UTY: variants seen among roughly 807,000 people sequenced by gnomAD.
UTY encodes histone demethylase UTY.
Under a neutral mutation model 32.5 loss-of-function variants are expected in UTY, and 12 were observed. The observed-to-expected ratio is 0.37, with a 90% CI of 0.24 to 0.60. The LOEUF is 0.60. UTY is among the 20% of genes least tolerant of loss of function. UTY has a pLI of 0.69. For synonymous variants in UTY, 131 were observed against 103.4 expected (o/e 1.27, Z -1.62); for missense variants, 303 against 299.2 (o/e 1.01, Z -0.09).
intron 5 of UTY, 51 bp from the exon 6 acceptor site, chrY:13,411,164 T>A: frequency 3.1e-6 from 1 of 318,901 alleles, no homozygotes; most frequent in Non-Finnish European, 4.4e-6. Context: ...CTTACATATA[T>A]CTCACTTGAT....
At chrY:13,245,929 G>A (rs2053942433), downstream of UTY, among the ~76,000 whole-genome samples, 2 of 33,388 alleles carry the variant, frequency 6.0e-5, no homozygotes, top group East Asian at 1.5e-3. Context: ...AAACATTCAT[G>A]TTATGAAGTG....
chrY:13,377,280 G>A, intron 8 of UTY, among the ~76,000 whole-genome samples: 1 of 33,403 alleles, frequency 3.0e-5, no homozygotes, highest in Non-Finnish European at 7.4e-5. Context: ...TACATAAAAC[G>A]AAGACCTATG....
chrY:13,315,015 G>A (rs1013301117), intron 21 of UTY, among the ~76,000 whole-genome samples: 1 of 33,832 alleles, frequency 3.0e-5, no homozygotes, highest in African/African-American at 1.2e-4. Context: ...CAATATAGTC[G>A]TCCTTTAAAA....
At chrY:13,286,729 C>A in intron 27 of UTY, 1 of 363,758 alleles carries the variant, frequency 2.7e-6, no homozygotes, top group Non-Finnish European at 4.0e-6. Flanking sequence ...GCTTTTAAGG[C>A]TATTAACCAG....
chrY:13,342,643 C>T (rs2061575766), intron 17 of UTY, among the ~76,000 whole-genome samples: 1 of 34,611 alleles, frequency 2.9e-5, no homozygotes, highest in Non-Finnish European at 7.3e-5. Flanking sequence ...GGCTTTCATG[C>T]CACGAAGTGG....
chrY:13,458,547 C>CTTA (rs2077042771), intron 3 of UTY, among the ~76,000 whole-genome samples: 1 of 33,519 alleles, frequency 3.0e-5, no homozygotes, highest in Non-Finnish European at 7.4e-5. Context: ...CATTTTTTGG[C>CTTA]TGCATAAATG....
rs750705591 is a variant in UTY, at chrY:13,400,667, C to T, written c.556-3695G>A. 9.6e-5 allele frequency among the ~76,000 whole-genome samples: 3 copies of T among 31,410 alleles called. No homozygotes were observed. In the South Asian group the frequency reaches 2.2e-3, roughly 23 times the overall value. 84.3% of individuals were successfully genotyped at this position (31,410 alleles called of 37,273 possible). ...TTAGTTTTTCTGTCAGTCTAATATG[C>T]GGGGACCCAACTAACGAACCTAAAA... is the stretch of plus-strand genomic sequence containing the variant. On this transcript the variant is annotated intron_variant, in intron 6 of 29. Coordinates refer to ENST00000545955, the MANE Select transcript of UTY (RefSeq NM_001258249.2).
intron 3 of UTY, among the ~76,000 whole-genome samples, chrY:13,452,994 T>G: frequency 3.0e-5 from 1 of 33,550 alleles, no homozygotes. Context: ...TTCGGACCAG[T>G]GCACTGCTAG....
chrY:13,290,056 A>G, intron 27 of UTY, among the ~76,000 whole-genome samples: 1 of 33,221 alleles, frequency 3.0e-5, no homozygotes, highest in Non-Finnish European at 7.4e-5. Context: ...GTTTATGACT[A>G]TAAGTGCCTA....
At chrY:13,343,144 G>A in intron 17 of UTY, among the ~76,000 whole-genome samples, 4 of 32,692 alleles carry the variant, frequency 1.2e-4, no homozygotes, top group Non-Finnish European at 2.3e-4. Context: ...TAAGAGTCTT[G>A]GTACAAACAC....
chrY:13,299,428 CAAAAAAAAAAAAAAAAA>C (rs1274766088), intron 25 of UTY, among the ~76,000 whole-genome samples: 1 of 557 alleles, frequency 1.8e-3, no homozygotes, highest in Non-Finnish European at 3.9e-3. Context: ...CTCTACTATA[CAAAAAAAAAAAAAAAAA>C]AAAAAAAAAA....
intron 17 of UTY, among the ~76,000 whole-genome samples, chrY:13,336,762 C>A: frequency 1.2e-4 from 4 of 33,102 alleles, no homozygotes; most frequent in African/African-American, 4.7e-4. Context: ...CAAAAAAAGT[C>A]TCAATAAAAC....
intron 17 of UTY, among the ~76,000 whole-genome samples, chrY:13,345,641 C>A: frequency 3.0e-5 from 1 of 33,474 alleles, no homozygotes; most frequent in South Asian, 6.5e-4. Context: ...ACCAAGATGA[C>A]TGTCATCACT....
Position 13,470,176 on chromosome Y carries a change from A to G in UTY, c.270T>C (p.Ser90=). Residue 90 remains serine, a synonymous_variant, in exon 3 of 30, where the codon TCT becomes TCC. Coordinates refer to ENST00000545955, the MANE Select transcript of UTY (RefSeq NM_001258249.2). ...AGTGACCTAATTGGCAAAAGAAGTCAGACTCCACTTTTCCTTCAGCTTTTA... is the reference window on the plus strand; with the variant it reads ...AGTGACCTAATTGGCAAAAGAAGTCGGACTCCACTTTTCCTTCAGCTTTTA... The part of the protein sequence containing the change: ...LILKAEGKVE[S]DFFCQLGHFN... The G allele has an allele frequency of 7.6e-6, 3 of 396,882 alleles. No homozygotes were observed. Among genetic ancestry groups the G allele is most frequent in the Non-Finnish European group, 1.1e-5 (3 of 282,818 alleles).
chrY:13,274,614 T>C (rs2056550680), intron 27 of UTY, among the ~76,000 whole-genome samples: 1 of 30,986 alleles, frequency 3.2e-5, no homozygotes, highest in Non-Finnish European at 7.7e-5. Flanking sequence ...ACCCCGTCTC[T>C]ACTAAAAATA....
rs751201063 is a variant in UTY, at chrY:13,340,646, C to T, written c.2062-4311G>A. 2.1e-4 allele frequency among the ~76,000 whole-genome samples: 7 copies of T among 33,395 alleles called. No homozygotes were observed. The East Asian group carries it at 5.6e-3, about 27-fold the overall frequency. 89.6% of individuals were successfully genotyped at this position (33,395 alleles called of 37,273 possible). A position where few individuals can be genotyped will look rare whatever the true frequency, so the allele number is the denominator to read the frequency against. ...CTGCACAGAATGAAGTCCAAGGGGG[C>T]GAACAGCTCTTCGTTTATCAGCCCT... On this transcript the variant is annotated intron_variant, in intron 17 of 29. Coordinates refer to ENST00000545955, the MANE Select transcript of UTY (RefSeq NM_001258249.2).
intron 21 of UTY, among the ~76,000 whole-genome samples, chrY:13,310,522 A>G (rs1603364940): frequency 6.0e-5 from 2 of 33,270 alleles, no homozygotes; most frequent in South Asian, 1.3e-3. Flanking sequence ...AAGAAATACA[A>G]TTTCACAAAA....
chrY:13,242,925 T>G, intron 28 of UTY, among the ~76,000 whole-genome samples: 1 of 33,076 alleles, frequency 3.0e-5, no homozygotes, highest in East Asian at 7.8e-4. Flanking sequence ...AGAATGAAAC[T>G]CGATCCCTTT....
At chrY:13,386,812 T>C (rs2066832725) in intron 8 of UTY, among the ~76,000 whole-genome samples, 1 of 32,806 alleles carries the variant, frequency 3.0e-5, no homozygotes, top group Admixed American at 2.8e-4. Context: ...GGCAAAACCC[T>C]GTATCTACAA....
Sources: allele counts gnomAD v4.1 joint callset (sites outside exome capture counted in the v4.1 genomes callset), GRCh38; gene constraint gnomAD v4.1.1; transcripts MANE v1.5; gene names NCBI Gene and HGNC (gene_info 2026-07-23, HGNC 2026-07-21).